Variants in NCALD observed in about 807,000 individuals in gnomAD.
NCALD encodes the protein neurocalcin-delta.
NCALD carries 10 observed loss-of-function variants against 18.6 expected under a neutral mutation model. That is an observed-to-expected ratio of 0.54 (90% confidence interval 0.33 to 0.91). The LOEUF is 0.91. Among genes scored for constraint, NCALD ranks in the 40% least tolerant of loss-of-function variants. The probability of loss-of-function intolerance (pLI) is 0.03; values close to 1 mark genes in which losing one functional copy is unlikely to be tolerated. For missense variants in NCALD, 184 were observed against 247.6 expected (o/e 0.74, Z 1.72); for synonymous variants, 88 against 87.4 (o/e 1.01, Z -0.04).
chr8:102,059,526 G>A (rs1304948630), intron 1 of NCALD, among the ~76,000 whole-genome samples: 2 of 152,124 alleles, frequency 1.3e-5, no homozygotes, highest in African/African-American at 4.8e-5. Flanking sequence ...AAGACGTCAA[G>A]GCAAACATGA....
At chr8:101,762,950 G>C (rs1811177595) in intron 1 of NCALD, among the ~76,000 whole-genome samples, 2 of 152,110 alleles carry the variant, frequency 1.3e-5, no homozygotes, top group South Asian at 4.1e-4. Flanking sequence ...TCTTGCCTAT[G>C]ATTCTGTTAG....
At chr8:101,712,238 T>C (rs1815830083) in intron 2 of NCALD, among the ~76,000 whole-genome samples, 2 of 152,044 alleles carry the variant, frequency 1.3e-5, no homozygotes, top group South Asian at 4.2e-4. Context: ...CCACCAGCCA[T>C]ACAAGAGTTC....
intron 2 of NCALD, among the ~76,000 whole-genome samples, chr8:101,977,802 C>A (rs1820477168): frequency 6.6e-6 from 1 of 152,160 alleles, no homozygotes; most frequent in African/African-American, 2.4e-5. Context: ...ACACAGCGAT[C>A]CTTTCAGAGT....
At chr8:101,805,999 T>C (rs534409107) in intron 4 of NCALD, among the ~76,000 whole-genome samples, 11 of 152,206 alleles carry the variant, frequency 7.2e-5, no homozygotes, top group Middle Eastern at 3.4e-3. Flanking sequence ...TGATATCAAA[T>C]GAAGCAGACC....
At chr8:101,837,872 G>A (rs1814478069) in intron 4 of NCALD, among the ~76,000 whole-genome samples, 1 of 152,172 alleles carries the variant, frequency 6.6e-6, no homozygotes, top group Non-Finnish European at 1.5e-5. Flanking sequence ...TTATAGGCTG[G>A]TGAAAGTCTC....
At chr8:101,712,700 A>ACCATTT (rs1352345495) in intron 2 of NCALD, among the ~76,000 whole-genome samples, 9 of 152,150 alleles carry the variant, frequency 5.9e-5, no homozygotes, top group Non-Finnish European at 1.2e-4. Context: ...ACATAATGGT[A>ACCATTT]AAGGGATCAA....
At position 101,689,004 on chromosome 8, in the gene NCALD, C is replaced by T. The variant is rs1232661033; in HGVS notation, c.*305G>A. 17 of 691,294 alleles carry T rather than the reference C, an allele frequency of 2.5e-5. No homozygotes were observed. Among genetic ancestry groups the T allele is most frequent in the South Asian group, 1.5e-4 (10 of 65,502 alleles). The allele number at this position is 691,294 out of a possible 1,614,324, so 42.8% of individuals were successfully genotyped here. ...GTTTCCCTTCTTTTGCCCCAACCCC[C>T]GAGTCTTACGTTTTAGAACAGAGAC... is the stretch of plus-strand genomic sequence containing the variant. On this transcript the variant is annotated 3_prime_UTR_variant, in exon 4 of 4. Transcript: ENST00000220931. The surrounding 1 kb of genome is among the most constrained non-coding windows in gnomAD (Gnocchi z 4.4).
rs533907716 is a variant in NCALD, at chr8:102,054,580, C to G, written c.-209-34291G>C. Among the ~76,000 whole-genome samples, 9 of 152,012 alleles carry G rather than the reference C, an allele frequency of 5.9e-5. No homozygotes were observed. In the East Asian group the frequency reaches 1.7e-3, roughly 29 times the overall value. Reference sequence around the variant, plus strand: ...AGACTTTAGCTACATCAGCTTTTCTCTGGGTCTCCAGACTGCTGGTCTGCC... The same window carrying G: ...AGACTTTAGCTACATCAGCTTTTCTGTGGGTCTCCAGACTGCTGGTCTGCC... On this transcript the variant is annotated intron_variant, in intron 1 of 6. Coordinates refer to the NCALD transcript ENST00000311028.
chr8:101,995,087 T>C (rs1189486950), intron 2 of NCALD, among the ~76,000 whole-genome samples: 1 of 152,230 alleles, frequency 6.6e-6, no homozygotes, highest in Non-Finnish European at 1.5e-5. Flanking sequence ...GCTTATTTAT[T>C]ATCTCTATTA....
intron 1 of NCALD, among the ~76,000 whole-genome samples, chr8:102,023,348 T>A (rs79002184): frequency 1.2e-4 from 1 of 8,236 alleles, no homozygotes. Context: ...TCACACTGGG[T>A]TTAGAACGAA....
chr8:101,716,913 G>T (rs897494243), intron 2 of NCALD, among the ~76,000 whole-genome samples: 1 of 152,176 alleles, frequency 6.6e-6, no homozygotes, highest in Non-Finnish European at 1.5e-5. Context: ...GAGGGCCATC[G>T]GCCAAGGAAC....
intron 1 of NCALD, among the ~76,000 whole-genome samples, chr8:101,740,815 G>A (rs560237608): frequency 6.6e-6 from 1 of 152,180 alleles, no homozygotes; most frequent in East Asian, 1.9e-4. Flanking sequence ...TGCCTGGCTG[G>A]GTTTACTCAC....
At chr8:101,897,786 A>T (rs1049050428) in intron 3 of NCALD, among the ~76,000 whole-genome samples, 3 of 152,204 alleles carry the variant, frequency 2.0e-5, no homozygotes, top group Non-Finnish European at 2.9e-5. Flanking sequence ...CCAGCATTGC[A>T]TGGTAATTCC....
intron 2 of NCALD, among the ~76,000 whole-genome samples, chr8:102,008,969 A>C (rs192219466): frequency 6.3e-4 from 70 of 111,794 alleles, no homozygotes; most frequent in Non-Finnish European, 8.9e-4. Context: ...CACACACACA[A>C]GCCCTAAAAG....
chr8:102,032,069 G>A (rs1212796292), intron 1 of NCALD, among the ~76,000 whole-genome samples: 1 of 152,094 alleles, frequency 6.6e-6, no homozygotes, highest in East Asian at 1.9e-4. Flanking sequence ...TCCTGCCCTA[G>A]GACACTTGAT....
chr8:102,057,846 G>A (rs1322899497), intron 1 of NCALD, among the ~76,000 whole-genome samples: 2 of 152,172 alleles, frequency 1.3e-5, no homozygotes, highest in African/African-American at 4.8e-5. Flanking sequence ...GTACTTTTGA[G>A]GCATGAAGCA....
chr8:101,787,086 T>C (rs1358022141), intron 1 of NCALD, among the ~76,000 whole-genome samples: 1 of 152,212 alleles, frequency 6.6e-6, no homozygotes, highest in Non-Finnish European at 1.5e-5. Flanking sequence ...AAATACTACA[T>C]TTTGGAATGC....
intron 2 of NCALD, among the ~76,000 whole-genome samples, chr8:101,971,318 A>T (rs560893900): frequency 6.6e-6 from 1 of 152,068 alleles, no homozygotes; most frequent in African/African-American, 2.4e-5. Flanking sequence ...TACATGGTTG[A>T]TATAGATTGG....
intron 2 of NCALD, among the ~76,000 whole-genome samples, chr8:101,699,006 AATTTT>A (rs1815133018): frequency 6.6e-6 from 1 of 152,140 alleles, no homozygotes; most frequent in Non-Finnish European, 1.5e-5. Flanking sequence ...AATGGGAGAA[AATTTT>A]TTTCAATCTA....
Sources: allele counts gnomAD v4.1 joint callset (sites outside exome capture counted in the v4.1 genomes callset), GRCh38; gene constraint gnomAD v4.1.1; non-coding constraint Gnocchi (gnomAD v3.1); transcripts MANE v1.5; gene names NCBI Gene and HGNC (gene_info 2026-07-23, HGNC 2026-07-21).